Variants in NAALADL2 observed in about 807,000 individuals in gnomAD.
NAALADL2 encodes the protein inactive N-acetylated-alpha-linked acidic dipeptidase-like protein 2.
Under a neutral mutation model 87.2 loss-of-function variants are expected in NAALADL2, and 76 were observed. The observed-to-expected ratio is 0.87, with a 90% CI of 0.72 to 1.05. The LOEUF (loss-of-function observed/expected upper bound fraction) is 1.05, where lower values mean the gene tolerates loss of function less well. Ranked by LOEUF, NAALADL2 falls within the 50% of genes least tolerant of loss-of-function variation. The pLI, the probability that NAALADL2 is intolerant of heterozygous loss-of-function variation, is 0.00. For synonymous variants in NAALADL2, 354 were observed against 331.0 expected (o/e 1.07, Z -0.75); for missense variants, 1,089 against 945.8 (o/e 1.15, Z -1.99).
chr3:175,580,587 G>T (rs937795557), intron 10 of NAALADL2, among the ~76,000 whole-genome samples: 4 of 143,266 alleles, frequency 2.8e-5, no homozygotes, highest in Non-Finnish European at 5.9e-5. Flanking sequence ...CTGATGTTTT[G>T]CAGTATCTGA....
chr3:174,869,570 C>T (rs1727546583), intron 1 of NAALADL2, among the ~76,000 whole-genome samples: 1 of 152,098 alleles, frequency 6.6e-6, no homozygotes, highest in South Asian at 2.1e-4. Flanking sequence ...GAGCTCTTCC[C>T]AGCTGGATCT....
intron 6 of NAALADL2, among the ~76,000 whole-genome samples, chr3:175,457,743 A>T (rs956143475): frequency 2.8e-5 from 4 of 143,754 alleles, no homozygotes; most frequent in Non-Finnish European, 6.0e-5. Flanking sequence ...GGCTGGTCTC[A>T]AACTCTTGGC....
At chr3:175,060,746 G>A (rs1357107861) in intron 1 of NAALADL2, among the ~76,000 whole-genome samples, 2 of 152,116 alleles carry the variant, frequency 1.3e-5, no homozygotes, top group African/African-American at 4.8e-5. Context: ...CTGACTGTGA[G>A]TTTATAAAGA....
At chr3:174,719,879 G>A (rs1731546250) in intron 2 of NAALADL2, among the ~76,000 whole-genome samples, 3 of 152,254 alleles carry the variant, frequency 2.0e-5, no homozygotes, top group South Asian at 4.1e-4. Flanking sequence ...TTGGCTCACC[G>A]CAACGTCCGC....
At position 175,355,366 on chromosome 3, in the gene NAALADL2, A is replaced by C. The variant is rs540321765; in HGVS notation, c.1090+31041A>C. The stretch of plus-strand genomic sequence containing the variant: ...ATTACAGGTGTTAGACACCGCGCCC[A>C]GCCACAGCACAATAAAATTTTGACT... On this transcript the variant is annotated intron_variant, in intron 5 of 13. Transcript: ENST00000454872. Among the ~76,000 whole-genome samples, 3 of 152,234 alleles carry C rather than the reference A, an allele frequency of 2.0e-5. No individual in the cohort carries two copies. The East Asian group carries it at 5.8e-4, about 29-fold the overall frequency.
At chr3:175,701,832 CTATT>C (rs1344373572) in intron 11 of NAALADL2, among the ~76,000 whole-genome samples, 3 of 152,102 alleles carry the variant, frequency 2.0e-5, no homozygotes, top group Admixed American at 6.6e-5. Context: ...ATTAACTTCT[CTATT>C]TAGGTAATAT....
rs1256802153 is a variant in NAALADL2 at position 174,506,355 on chromosome 3, A to C, written c.-183-44214A>C. On this transcript the variant is annotated intron_variant, in intron 1 of 3. Transcript: ENST00000434257. ...ACCACCATACCCGCCTAATTTTTGT[A>C]TTTTTAGAAGAGACAGGGTTTAACC... 2.6e-5 allele frequency among the ~76,000 whole-genome samples: 4 copies of C among 151,770 alleles called. No individual in the cohort carries two copies. The East Asian group carries it at 7.7e-4, about 29-fold the overall frequency.
intron 9 of NAALADL2, among the ~76,000 whole-genome samples, chr3:175,543,819 G>A (rs1712810906): frequency 6.6e-6 from 1 of 152,070 alleles, no homozygotes; most frequent in African/African-American, 2.4e-5. Flanking sequence ...ATTTTATTTA[G>A]GTTATTGCAA....
intron 1 of NAALADL2, among the ~76,000 whole-genome samples, chr3:174,926,065 A>C (rs1735976422): frequency 6.6e-6 from 1 of 152,228 alleles, no homozygotes; most frequent in Non-Finnish European, 1.5e-5. Flanking sequence ...GGAATGCACA[A>C]GCTTCGGTAG....
rs117147395 is a variant in NAALADL2, at chr3:175,149,247, A to G, written c.545+51956A>G. On this transcript the variant is annotated intron_variant, in intron 2 of 13. Transcript: ENST00000454872. The stretch of plus-strand genomic sequence containing the variant: ...AAACCTGTTTTAAAATGTTCAGTTA[A>G]GCATAGATATTTTACATTTAAATTG... 9.2e-5 allele frequency among the ~76,000 whole-genome samples: 14 copies of G among 152,278 alleles called. No individual in the cohort carries two copies. In the East Asian group the frequency reaches 2.7e-3, roughly 29 times the overall value.
chr3:174,882,701 A>G (rs543566692), intron 1 of NAALADL2, among the ~76,000 whole-genome samples: 2 of 133,886 alleles, frequency 1.5e-5, no homozygotes, highest in Non-Finnish European at 3.0e-5. Context: ...GTGTATATAC[A>G]TGTGTATCTA....
At chr3:174,837,462 A>T (rs1216945310) in intron 3 of NAALADL2, among the ~76,000 whole-genome samples, 3 of 152,210 alleles carry the variant, frequency 2.0e-5, no homozygotes, top group Non-Finnish European at 4.4e-5. Flanking sequence ...GGTGCCCTGA[A>T]TAGACCAGTA....
intron 5 of NAALADL2, among the ~76,000 whole-genome samples, chr3:175,367,928 T>C (rs967641374): frequency 2.6e-5 from 4 of 152,280 alleles, no homozygotes; most frequent in African/African-American, 9.6e-5. Context: ...ATCCCTGTCT[T>C]GTGCCAGTTT....
At chr3:174,665,505 A>G (rs1262190687) in intron 2 of NAALADL2, among the ~76,000 whole-genome samples, 1 of 152,142 alleles carries the variant, frequency 6.6e-6, no homozygotes, top group East Asian at 1.9e-4. Context: ...TATTCTTCAT[A>G]ATGCAATTAC....
chr3:175,438,979 T>A (rs1295520764), intron 5 of NAALADL2, among the ~76,000 whole-genome samples: 1 of 152,130 alleles, frequency 6.6e-6, no homozygotes, highest in Non-Finnish European at 1.5e-5. Context: ...GTACCCAATG[T>A]GTAGTCTTTT....
intron 1 of NAALADL2, among the ~76,000 whole-genome samples, chr3:174,902,448 G>A (rs939304447): frequency 4.6e-5 from 7 of 151,938 alleles, no homozygotes; most frequent in Non-Finnish European, 1.0e-4. Context: ...AAAGGGGGGT[G>A]GGGTTTAACT....
At chr3:174,444,189 G>T (rs1417260039) in intron 1 of NAALADL2, among the ~76,000 whole-genome samples, 4 of 152,106 alleles carry the variant, frequency 2.6e-5, no homozygotes, top group Non-Finnish European at 5.9e-5. Context: ...GGTGAGAAAG[G>T]ATACATGCAT....
intron 1 of NAALADL2, among the ~76,000 whole-genome samples, chr3:174,888,966 T>C (rs973962251): frequency 6.6e-6 from 1 of 152,208 alleles, no homozygotes; most frequent in African/African-American, 2.4e-5. Context: ...ACTTTGTCAT[T>C]GTTTCCTATA....
intron 5 of NAALADL2, among the ~76,000 whole-genome samples, chr3:175,331,751 A>G (rs186006833): frequency 2.0e-5 from 3 of 152,360 alleles, no homozygotes; most frequent in Admixed American, 2.0e-4. Context: ...AGTCCTAGCC[A>G]GAGCAGTCAG....
Sources: gnomAD v4.1 joint callset for allele counts (sites outside exome capture counted in the v4.1 genomes callset) on GRCh38, gnomAD v4.1.1 for gene constraint, MANE v1.5 for transcripts, NCBI Gene and HGNC (gene_info 2026-07-23, HGNC 2026-07-21) for gene names.